The following FSTL4 variants were observed in gnomAD, a reference collection of about 807,000 sequenced individuals.
The protein encoded by FSTL4 is follistatin like 4, also known as follistatin-related protein 4.
Under a neutral mutation model 78.2 loss-of-function variants are expected in FSTL4, and 28 were observed. The observed-to-expected ratio is 0.36, with a 90% confidence interval of 0.27 to 0.49. The LOEUF (loss-of-function observed/expected upper bound fraction) is 0.49. FSTL4 is among the 20% of genes least tolerant of loss of function. The probability of loss-of-function intolerance (pLI) is 0.98; values close to 1 mark genes in which losing one functional copy is unlikely to be tolerated. For missense variants in FSTL4, 922 were observed against 1,084.9 expected, an observed-to-expected ratio of 0.85 and a Z score of 2.11; for synonymous variants, 422 against 440.5, an observed-to-expected ratio of 0.96 and a Z score of 0.53.
intron 3 of FSTL4, among the ~76,000 whole-genome samples, chr5:133,472,313 C>T (rs868549755): frequency 5.9e-5 from 9 of 152,138 alleles, no homozygotes; most frequent in African/African-American, 2.2e-4. Flanking sequence ...CCTGTGCACA[C>T]TTTCTCAGGA....
At chr5:133,812,045 T>C in the FSTL4 span, among the ~76,000 whole-genome samples, 2,519 of 152,320 alleles carry the variant, frequency 0.017, 79 homozygotes, top group African/African-American at 0.057. Context: ...CATTCAAGTA[T>C]CCAGCTGCTC....
the FSTL4 span, among the ~76,000 whole-genome samples, chr5:133,802,246 C>A: frequency 6.6e-6 from 1 of 152,236 alleles, no homozygotes; most frequent in South Asian, 2.1e-4. Flanking sequence ...TTGACCAAAT[C>A]GATGCATAAT....
At chr5:133,390,928 C>G (rs1255385186) in intron 4 of FSTL4, among the ~76,000 whole-genome samples, 2 of 152,180 alleles carry the variant, frequency 1.3e-5, no homozygotes, top group East Asian at 3.9e-4. Context: ...AGGGAGGGAA[C>G]AGCCGAGCCC....
intron 14 of FSTL4, among the ~76,000 whole-genome samples, chr5:133,203,515 T>C (rs1750394264): frequency 6.6e-6 from 1 of 152,212 alleles, no homozygotes; most frequent in South Asian, 2.1e-4. Context: ...GCTGGAGTGA[T>C]GCAAGCCATG....
At chr5:133,771,512 C>A in the FSTL4 span, among the ~76,000 whole-genome samples, 1 of 151,990 alleles carries the variant, frequency 6.6e-6, no homozygotes, top group African/African-American at 2.4e-5. Context: ...GAATTGCTTT[C>A]TTGATTTGGT....
chr5:133,615,091 A>C (rs1761174295), upstream of FSTL4, among the ~76,000 whole-genome samples: 1 of 152,236 alleles, frequency 6.6e-6, no homozygotes, highest in Non-Finnish European at 1.5e-5. Context: ...ACACATAGCC[A>C]TGGGAATCAG....
chr5:133,545,511 C>G (rs1403205618), intron 3 of FSTL4, among the ~76,000 whole-genome samples: 3 of 152,198 alleles, frequency 2.0e-5, no homozygotes. Flanking sequence ...GATGTGGCTG[C>G]CTGATCTTGG....
At chr5:133,251,513 G>T (rs1014745800) in intron 6 of FSTL4, among the ~76,000 whole-genome samples, 7 of 151,958 alleles carry the variant, frequency 4.6e-5, no homozygotes, top group Non-Finnish European at 7.4e-5. Flanking sequence ...CAAACACCAG[G>T]CCTCCTAGAT....
At chr5:133,280,661 A>G (rs1463487318) in intron 6 of FSTL4, among the ~76,000 whole-genome samples, 2 of 152,134 alleles carry the variant, frequency 1.3e-5, no homozygotes, top group Non-Finnish European at 2.9e-5. Context: ...AGAGCCTGGG[A>G]ACACACATCC....
the FSTL4 span, among the ~76,000 whole-genome samples, chr5:133,673,798 C>T: frequency 6.6e-6 from 1 of 152,066 alleles, no homozygotes; most frequent in Non-Finnish European, 1.5e-5. Context: ...GAAGAAACCG[C>T]AATTCAAAGC....
At chr5:133,686,451 C>T in the FSTL4 span, among the ~76,000 whole-genome samples, 1 of 152,242 alleles carries the variant, frequency 6.6e-6, no homozygotes, top group Non-Finnish European at 1.5e-5. Flanking sequence ...ATAAGAGTTA[C>T]ACGAATCAGT....
chr5:133,683,463 C>T, the FSTL4 span, among the ~76,000 whole-genome samples: 1 of 152,080 alleles, frequency 6.6e-6, no homozygotes, highest in Admixed American at 6.5e-5. Context: ...TTTCTCCACT[C>T]GTTTTTAATT....
rs1392109246 is a variant in FSTL4 at position 133,316,731 on chromosome 5, TCTCA to T, written c.410-83_410-80del. 1.1e-4 allele frequency: 130 copies of T among 1,227,734 alleles called. 1 individual carries two copies. The highest frequency in any genetic ancestry group is 2.0e-4 in the Middle Eastern group (1 of 5,120). The allele number at this position is 1,227,734 out of a possible 1,614,324, so 76.1% of individuals were successfully genotyped here. The stretch of plus-strand genomic sequence containing the variant: ...AACATTCTTGCCGCTGGTCCATTCA[TCTCA>T]CTCACAAATAGCCACCAGGCGTTCA... On this transcript the variant is annotated intron_variant, in intron 4 of 15. Coordinates refer to ENST00000265342, the MANE Select transcript of FSTL4 (RefSeq NM_015082.2).
In FSTL4 at chr5:133,201,983, T is replaced by C. The variant is rs760197862; in HGVS notation, c.1776A>G (p.Gly592=). 2 of 1,612,362 alleles carry C rather than the reference T, an allele frequency of 1.2e-6. No individual in the cohort carries two copies. Among genetic ancestry groups the C allele is most frequent in the Non-Finnish European group, 1.7e-6 (2 of 1,178,940 alleles). The change falls in exon 15 of 16, where the codon GGA becomes GGG. Residue 592 remains glycine (G), a synonymous_variant. Coordinates refer to ENST00000265342, the MANE Select transcript of FSTL4 (RefSeq NM_015082.2). Reference sequence around the variant, plus strand: ...TTGGGGGAATGAAGAAATCATCCACTCCTGCAAAGGGTGTGCGGATGAGGT... The same window carrying C: ...TTGGGGGAATGAAGAAATCATCCACCCCTGCAAAGGGTGTGCGGATGAGGT... ...SQHLIRTPFA[G]VDDFFIPPTN...
At chr5:133,446,296 C>T (rs956343952) in intron 3 of FSTL4, among the ~76,000 whole-genome samples, 1 of 152,154 alleles carries the variant, frequency 6.6e-6, no homozygotes, top group Non-Finnish European at 1.5e-5. Context: ...AAAAATTAGC[C>T]GGGCGTGCTG....
intron 3 of FSTL4, among the ~76,000 whole-genome samples, chr5:133,418,602 C>T (rs1756627413): frequency 6.6e-6 from 1 of 152,064 alleles, no homozygotes; most frequent in Admixed American, 6.6e-5. Flanking sequence ...AAAGAACAAG[C>T]TTGGAGAACA....
At chr5:133,546,950 C>T (rs1231958892) in intron 3 of FSTL4, among the ~76,000 whole-genome samples, 1 of 152,134 alleles carries the variant, frequency 6.6e-6, no homozygotes, top group African/African-American at 2.4e-5. Context: ...CCCCAGATTT[C>T]AAAGGATATT....
chr5:133,811,542 G>C, the FSTL4 span, among the ~76,000 whole-genome samples: 3 of 152,240 alleles, frequency 2.0e-5, no homozygotes, highest in Non-Finnish European at 4.4e-5. Flanking sequence ...CCTTGGGCCT[G>C]AGAATTCCTC....
At chr5:133,677,370 A>G in the FSTL4 span, among the ~76,000 whole-genome samples, 18 of 152,164 alleles carry the variant, frequency 1.2e-4, no homozygotes, top group Admixed American at 3.9e-4. Flanking sequence ...GGATGTGGAT[A>G]TGGAATTGGG....
Sources: allele counts gnomAD v4.1 joint callset (sites outside exome capture counted in the v4.1 genomes callset), GRCh38; gene constraint gnomAD v4.1.1; transcripts MANE v1.5; gene names NCBI Gene and HGNC (gene_info 2026-07-23, HGNC 2026-07-21).